The following DLG2 variants were observed in gnomAD, a reference collection of about 807,000 sequenced individuals.
DLG2 encodes disks large homolog 2.
A neutral mutation model predicts 132.5 loss-of-function variants in DLG2; 45 were observed. That is an observed-to-expected ratio of 0.34 (90% confidence interval 0.27 to 0.44). DLG2 has a LOEUF of 0.44. Among genes scored for constraint, DLG2 ranks in the 20% least tolerant of loss-of-function variants. The probability of loss-of-function intolerance (pLI) is 1.00; values close to 1 mark genes in which losing one functional copy is unlikely to be tolerated. For missense variants in DLG2, 1,045 were observed against 1,196.9 expected (o/e 0.87, Z 1.87); for synonymous variants, 424 against 419.6 (o/e 1.01, Z -0.13).
At chr11:83,735,429 TC>T (rs1281467923) in intron 18 of DLG2, among the ~76,000 whole-genome samples, 1 of 152,180 alleles carries the variant, frequency 6.6e-6, no homozygotes, top group Non-Finnish European at 1.5e-5. Context: ...AGCCACTGAA[TC>T]CTCAGTGTTT....
chr11:83,455,590 C>G lies in DLG2; in HGVS notation c.*4228G>C, dbSNP rs886680593. 6.6e-6 allele frequency: 1 copy of G among 152,610 alleles called. No individual in the cohort carries two copies. The highest frequency in any genetic ancestry group is 2.4e-5 in the African/African-American group (1 of 41,428). 9.5% of individuals were successfully genotyped at this position (152,610 alleles called of 1,614,324 possible). On this transcript the variant is annotated 3_prime_UTR_variant, in exon 28 of 28. Coordinates refer to ENST00000376104, the MANE Select transcript of DLG2 (RefSeq NM_001142699.3). ...GTCTTAGCTTTGTCCTCAGCTGTTA[C>G]AAGAAACTGCACAGCTGTACAAGAA...
At chr11:85,505,688 G>C (rs1367427052) in intron 3 of DLG2, among the ~76,000 whole-genome samples, 1 of 151,860 alleles carries the variant, frequency 6.6e-6, no homozygotes, top group Non-Finnish European at 1.5e-5. Flanking sequence ...ATCTTTTTTT[G>C]CTGTGTCTCT....
chr11:83,597,747 T>C (rs180710517), intron 19 of DLG2, among the ~76,000 whole-genome samples: 1 of 152,176 alleles, frequency 6.6e-6, no homozygotes, highest in African/African-American at 2.4e-5. Flanking sequence ...GCTGCACCAC[T>C]GCACTCCCAC....
chr11:84,174,014 C>CTTTTTTTTTTTTTTTTTTTTTTTT lies in DLG2; in HGVS notation c.574-10504_574-10503insAAAAAAAAAAAAAAAAAAAAAAAA, dbSNP rs11338428. ...CTGAGTTTTGACTTCACCCCCCGGC[C>CTTTTTTTTTTTTTTTTTTTTTTTT]TTTTTTTTTTTTTTTTTTTTTTCTG... On this transcript the variant is annotated intron_variant, in intron 8 of 27. Coordinates refer to ENST00000376104, the MANE Select transcript of DLG2 (RefSeq NM_001142699.3). 8.8e-4 allele frequency among the ~76,000 whole-genome samples: 54 copies of CTTTTTTTTTTTTTTTTTTTTTTTT among 61,202 alleles called. 6 individuals carry two copies. The highest frequency in any genetic ancestry group is 3.3e-3 in the African/African-American group (50 of 15,362). 40.2% of individuals were successfully genotyped at this position (61,202 alleles called of 152,430 possible).
At chr11:84,239,562 T>C (rs2097200649) in intron 8 of DLG2, among the ~76,000 whole-genome samples, 1 of 152,168 alleles carries the variant, frequency 6.6e-6, no homozygotes, top group South Asian at 2.1e-4. Flanking sequence ...GAGAGGAATA[T>C]GGTAAATACT....
chr11:84,661,044 T>G (rs1457730308), intron 6 of DLG2, among the ~76,000 whole-genome samples: 1 of 152,172 alleles, frequency 6.6e-6, no homozygotes. Context: ...TGTGCAAAAT[T>G]TGTTTATGAT....
At chr11:84,608,569 T>C (rs1005634331) in intron 6 of DLG2, among the ~76,000 whole-genome samples, 1 of 152,104 alleles carries the variant, frequency 6.6e-6, no homozygotes, top group African/African-American at 2.4e-5. Context: ...ATTTGGAAAG[T>C]TGGCAAGGCT....
At chr11:85,191,190 A>G (rs2080538888) in intron 4 of DLG2, among the ~76,000 whole-genome samples, 1 of 151,464 alleles carries the variant, frequency 6.6e-6, no homozygotes, top group Non-Finnish European at 1.5e-5. Flanking sequence ...ACACACACAC[A>G]CACACACACA....
chr11:85,154,210 G>T (rs1228532187), intron 5 of DLG2, among the ~76,000 whole-genome samples: 1 of 143,748 alleles, frequency 7.0e-6, no homozygotes, highest in African/African-American at 2.6e-5. Flanking sequence ...AGCACATTTA[G>T]TATTTTATTA....
intron 7 of DLG2, among the ~76,000 whole-genome samples, chr11:84,507,067 C>T (rs2099243418): frequency 6.6e-6 from 1 of 152,198 alleles, no homozygotes; most frequent in African/African-American, 2.4e-5. Context: ...AAATTTTCTT[C>T]CAGCTTAGCA....
At chr11:84,507,651 G>A (rs1445324870) in intron 7 of DLG2, among the ~76,000 whole-genome samples, 1 of 152,056 alleles carries the variant, frequency 6.6e-6, no homozygotes, top group Non-Finnish European at 1.5e-5. Flanking sequence ...TTCCTTTGAT[G>A]CCTAGTCCGT....
intron 7 of DLG2, among the ~76,000 whole-genome samples, chr11:84,359,433 T>C (rs978914692): frequency 1.1e-4 from 16 of 152,052 alleles, no homozygotes; most frequent in African/African-American, 3.9e-4. Flanking sequence ...AATGTTGCCC[T>C]GAAAATATAA....
chr11:83,952,206 C>A (rs541441463), intron 14 of DLG2, among the ~76,000 whole-genome samples: 1 of 151,968 alleles, frequency 6.6e-6, no homozygotes, highest in African/African-American at 2.4e-5. Context: ...ATTAGCCCAG[C>A]GTGGTGGCAT....
intron 3 of DLG2, among the ~76,000 whole-genome samples, chr11:85,357,806 T>C (rs1003904193): frequency 6.2e-5 from 9 of 145,878 alleles, no homozygotes; most frequent in Admixed American, 2.8e-4. Context: ...TTTATCCTCA[T>C]GACAACTGTT....
chr11:84,567,031 G>A (rs536249486), intron 6 of DLG2, among the ~76,000 whole-genome samples: 20 of 152,280 alleles, frequency 1.3e-4, no homozygotes, highest in Middle Eastern at 6.8e-3. Context: ...TTGCTGGTGA[G>A]GGGAGAGCAG....
At chr11:85,414,232 T>C (rs1272162004) in intron 3 of DLG2, among the ~76,000 whole-genome samples, 1 of 152,084 alleles carries the variant, frequency 6.6e-6, no homozygotes, top group Non-Finnish European at 1.5e-5. Context: ...AGCTACTGAT[T>C]TGTGTACATT....
At chr11:85,355,380 C>T (rs966423257) in intron 3 of DLG2, among the ~76,000 whole-genome samples, 1 of 151,880 alleles carries the variant, frequency 6.6e-6, no homozygotes, top group African/African-American at 2.4e-5. Flanking sequence ...ATTTTACTTT[C>T]TTTTTTCCAA....
At chr11:84,086,340 T>C (rs1164657381) in intron 10 of DLG2, among the ~76,000 whole-genome samples, 1 of 152,208 alleles carries the variant, frequency 6.6e-6, no homozygotes, top group Non-Finnish European at 1.5e-5. Flanking sequence ...TTTAAAGTAA[T>C]ATCTTTATTG....
At chr11:84,169,593 C>T (rs543554180) in intron 8 of DLG2, among the ~76,000 whole-genome samples, 1 of 152,242 alleles carries the variant, frequency 6.6e-6, no homozygotes, top group South Asian at 2.1e-4. Context: ...ATTATTTTGG[C>T]CATGCGTGGT....
Sources: allele counts gnomAD v4.1 joint callset (sites outside exome capture counted in the v4.1 genomes callset), GRCh38; gene constraint gnomAD v4.1.1; transcripts MANE v1.5; gene names NCBI Gene and HGNC (gene_info 2026-07-23, HGNC 2026-07-21).